The following AVEN variants were observed in gnomAD, a reference collection of about 807,000 sequenced individuals.
The protein encoded by AVEN is apoptosis and caspase activation inhibitor, also known as cell death regulator Aven.
A neutral mutation model predicts 38.1 loss-of-function variants in AVEN; 41 were observed. The observed-to-expected ratio is 1.08, with a 90% CI of 0.84 to 1.40. AVEN has a LOEUF of 1.40. Among genes scored for constraint, AVEN ranks in the 40% most tolerant of loss-of-function variants. AVEN has a pLI of 0.00. For missense variants in AVEN, 605 were observed against 438.8 expected (o/e 1.38, Z -3.38); for synonymous variants, 206 against 171.8 (o/e 1.20, Z -1.56).
At chr15:33,957,929 G>A (rs538684040) in intron 2 of AVEN, among the ~76,000 whole-genome samples, 1 of 152,212 alleles carries the variant, frequency 6.6e-6, no homozygotes, top group East Asian at 1.9e-4. Flanking sequence ...AGTGGCACTT[G>A]GGAATTGTTA....
intron 2 of AVEN, among the ~76,000 whole-genome samples, chr15:33,974,206 A>C (rs1362517575): frequency 1.3e-5 from 2 of 152,190 alleles, no homozygotes; most frequent in Non-Finnish European, 2.9e-5. Flanking sequence ...AAGTGACTTC[A>C]GGGGAATTTG....
chr15:34,069,551 A>G (rs1283740292), intron 2 of AVEN, among the ~76,000 whole-genome samples: 1 of 152,212 alleles, frequency 6.6e-6, no homozygotes, highest in African/African-American at 2.4e-5. Flanking sequence ...GAATATCACA[A>G]TGCGTTACTA....
downstream of AVEN, among the ~76,000 whole-genome samples, chr15:33,864,533 G>C (rs139530054): frequency 4.6e-5 from 7 of 152,184 alleles, no homozygotes; most frequent in South Asian, 2.1e-4. Context: ...AACGGAGTGA[G>C]AGACAGGCTA....
At chr15:34,037,169 A>C (rs1899180460) in intron 1 of AVEN, among the ~76,000 whole-genome samples, 1 of 152,170 alleles carries the variant, frequency 6.6e-6, no homozygotes. Context: ...AGAGATTAAC[A>C]AAACAGAAGC....
chr15:33,940,779 A>G (rs1205617715), intron 2 of AVEN, among the ~76,000 whole-genome samples: 1 of 152,124 alleles, frequency 6.6e-6, no homozygotes, highest in East Asian at 1.9e-4. Flanking sequence ...TGACCACGTG[A>G]TCCACCCACT....
At chr15:33,854,409 A>T (rs555103509), downstream of AVEN, 21 of 1,575,892 alleles carry the variant, frequency 1.3e-5, no homozygotes, top group Admixed American at 2.8e-4. Context: ...ATAGACATGA[A>T]GTACCATATC....
At chr15:33,890,621 A>T (rs2153040352) in intron 2 of AVEN, among the ~76,000 whole-genome samples, 1 of 152,278 alleles carries the variant, frequency 6.6e-6, no homozygotes, top group East Asian at 1.9e-4. Flanking sequence ...AAATAACTCA[A>T]ATAAGAACAA....
intron 2 of AVEN, among the ~76,000 whole-genome samples, chr15:33,885,211 C>T (rs1490219039): frequency 6.6e-6 from 1 of 152,150 alleles, no homozygotes; most frequent in Non-Finnish European, 1.5e-5. Context: ...GTCCAATAGT[C>T]ACCGCAATGG....
chr15:33,858,512 GAGACATTATTATGAATGAA>G (rs1158147466), downstream of AVEN: 1 of 126,588 alleles, frequency 7.9e-6, no homozygotes, highest in Admixed American at 8.3e-5. Flanking sequence ...TGGCCAAGAT[GAGACATTATTATGAATGAA>G]ACCAGTGTCT....
At chr15:33,909,227 G>T (rs1892828089) in intron 2 of AVEN, among the ~76,000 whole-genome samples, 1 of 152,106 alleles carries the variant, frequency 6.6e-6, no homozygotes, top group Non-Finnish European at 1.5e-5. Context: ...GTAGAACCCA[G>T]GTTTCTCAGG....
chr15:34,036,982 G>A (rs958454754), intron 1 of AVEN, among the ~76,000 whole-genome samples: 2 of 152,048 alleles, frequency 1.3e-5, no homozygotes, highest in African/African-American at 4.8e-5. Flanking sequence ...GGTGGCTCAT[G>A]CCTGTAATCC....
chr15:33,996,507 G>C (rs1256019326), intron 2 of AVEN, among the ~76,000 whole-genome samples: 1 of 152,188 alleles, frequency 6.6e-6, no homozygotes, highest in Admixed American at 6.5e-5. Context: ...AGCAACATTT[G>C]CTGTCCTGCA....
In AVEN at chr15:33,867,488, G is replaced by C; in HGVS notation, c.973+7C>G. 2 of 1,558,038 alleles carry C rather than the reference G, an allele frequency of 1.3e-6. No individual in the cohort carries two copies. Among genetic ancestry groups the C allele is most frequent in the East Asian group, 2.2e-5 (1 of 44,550 alleles). On this transcript the variant is annotated splice_region_variant and intron_variant, in intron 5 of 5. Coordinates refer to ENST00000306730, the MANE Select transcript of AVEN (RefSeq NM_020371.3). ...AAGATTCACGGGGAATAAAATGAAA[G>C]CCATACCTTCTTCCTCTTGGACCAC...
rs763248567 is a variant in AVEN at position 33,867,645 on chromosome 15, G to C, written c.823C>G (p.Leu275Val). The C allele has an allele frequency of 6.2e-7, 1 of 1,614,180 alleles. No individual in the cohort carries two copies. The highest frequency in any genetic ancestry group is 1.1e-5 in the South Asian group (1 of 91,082). The change falls in exon 5 of 6, where the codon CTG (leucine) becomes GTG (valine). Residue 275 changes from leucine to valine, a missense_variant. Physicochemically the swap from Leu to Val is conservative, Grantham distance 32. Coordinates refer to ENST00000306730, the MANE Select transcript of AVEN (RefSeq NM_020371.3). ...TCCAAATGGTCTCCTGCTGACTGCA[G>C]TGGGGAAGTGGGTTTCTGAGAATCC... ...SRDSQKPTSP[L>V]QSAGDHLEEE...
intron 2 of AVEN, among the ~76,000 whole-genome samples, chr15:33,912,888 A>T (rs1892967063): frequency 6.9e-6 from 1 of 144,440 alleles, no homozygotes; most frequent in Admixed American, 6.9e-5. Context: ...AAAAGGCATA[A>T]TTTTTTTTTT....
intron 5 of AVEN, among the ~76,000 whole-genome samples, chr15:34,045,873 A>C (rs2140814228): frequency 6.6e-6 from 1 of 152,332 alleles, no homozygotes; most frequent in Admixed American, 6.5e-5. Flanking sequence ...AGAGAACAAG[A>C]AACAATCGGC....
At chr15:33,876,261 A>C (rs993354417) in intron 2 of AVEN, among the ~76,000 whole-genome samples, 2 of 152,196 alleles carry the variant, frequency 1.3e-5, no homozygotes, top group South Asian at 4.1e-4. Context: ...TTGGTAAATA[A>C]ATTTGATCCC....
In AVEN at chr15:33,867,740, T is replaced by A. The variant is rs61729119; in HGVS notation, c.728A>T (p.Glu243Val). 7 of 1,614,112 alleles carry A rather than the reference T, an allele frequency of 4.3e-6. No homozygotes were observed. The South Asian group carries it at 4.4e-5, about 10-fold the overall frequency. The part of the protein sequence containing the change: ...LGPGGRGPIF[E>V]LKSVAAGCPV... ...GCAGCCAGCAGCCACAGATTTCAGCTCAAAGATGGGCCCCCTTCCTCCAGG... is the reference window on the plus strand; with the variant it reads ...GCAGCCAGCAGCCACAGATTTCAGCACAAAGATGGGCCCCCTTCCTCCAGG... The change falls in exon 5 of 6, where the codon GAG becomes GTG. Residue 243 changes from glutamate to valine, a missense_variant. Physicochemically the swap from Glu to Val is moderately radical, Grantham distance 121 (BLOSUM62 -2). Transcript: ENST00000306730.
chr15:34,045,777 C>T (rs988432348), intron 5 of AVEN, among the ~76,000 whole-genome samples: 2 of 151,836 alleles, frequency 1.3e-5, no homozygotes, highest in Admixed American at 6.6e-5. Context: ...CAAGTCCACT[C>T]GACAAGAAAA....
Sources: gnomAD v4.1 joint callset for allele counts (sites outside exome capture counted in the v4.1 genomes callset) on GRCh38, gnomAD v4.1.1 for gene constraint, MANE v1.5 for transcripts, NCBI Gene and HGNC (gene_info 2026-07-23, HGNC 2026-07-21) for gene names.